The following BANF2 variants were observed in gnomAD, a reference collection of about 807,000 sequenced individuals.
The protein encoded by BANF2 is barrier-to-autointegration factor-like protein.
A neutral mutation model predicts 8.0 loss-of-function variants in BANF2; 4 were observed. The observed-to-expected ratio is 0.50, with a 90% CI of 0.25 to 1.14. The LOEUF (loss-of-function observed/expected upper bound fraction) is 1.14, where lower values mean the gene tolerates loss of function less well. BANF2 is among the 50% of genes most tolerant of loss of function. The pLI, the probability that BANF2 is intolerant of heterozygous loss-of-function variation, is 0.16. For synonymous variants in BANF2, 50 were observed against 40.6 expected (o/e 1.23, Z -0.88); for missense variants, 96 against 107.5 (o/e 0.89, Z 0.47).
At chr20:17,704,918 A>G (rs1303858764) in intron 1 of BANF2, among the ~76,000 whole-genome samples, 3 of 152,162 alleles carry the variant, frequency 2.0e-5, no homozygotes, top group Non-Finnish European at 4.4e-5. Context: ...TAGCAACCCC[A>G]GCAAGAAGGG....
chr20:17,708,604 A>G (rs1033126170), intron 1 of BANF2, among the ~76,000 whole-genome samples: 1 of 152,144 alleles, frequency 6.6e-6, no homozygotes, highest in Non-Finnish European at 1.5e-5. Flanking sequence ...TGGATGTCCA[A>G]TGTTGGTCCT....
upstream of BANF2, among the ~76,000 whole-genome samples, chr20:17,695,875 G>A (rs765493701): frequency 6.6e-5 from 10 of 152,114 alleles, no homozygotes; most frequent in Non-Finnish European, 1.3e-4. Flanking sequence ...TATCTCTGTA[G>A]CCTCAGATCA....
intron 1 of BANF2, among the ~76,000 whole-genome samples, chr20:17,704,810 T>A (rs1005318994): frequency 1.3e-5 from 2 of 152,332 alleles, no homozygotes; most frequent in East Asian, 1.9e-4. Context: ...CCTCAAATGA[T>A]GTTGTCAAGA....
At chr20:17,725,941 G>A (rs1270532538) in intron 3 of BANF2, among the ~76,000 whole-genome samples, 1 of 152,124 alleles carries the variant, frequency 6.6e-6, no homozygotes, top group African/African-American at 2.4e-5. Flanking sequence ...CGACTAGTTT[G>A]GTTTGCATCT....
chr20:17,703,970 A>G (rs1452966845), intron 1 of BANF2, among the ~76,000 whole-genome samples: 3 of 151,954 alleles, frequency 2.0e-5, no homozygotes, highest in Admixed American at 6.6e-5. Flanking sequence ...CTGATCTCAA[A>G]CTCCTGACCT....
At chr20:17,720,909 T>G (rs1194719801) in intron 1 of BANF2, among the ~76,000 whole-genome samples, 1 of 152,220 alleles carries the variant, frequency 6.6e-6, no homozygotes, top group Admixed American at 6.5e-5. Flanking sequence ...CACATCTGCT[T>G]GGAGCTGGTC....
chr20:17,734,073 C>G lies in BANF2; in HGVS notation c.127-1592C>G, dbSNP rs191944090. Among the ~76,000 whole-genome samples the G allele has an allele frequency of 2.4e-4, 36 of 152,306 alleles. No individual in the cohort carries two copies. The East Asian group carries it at 3.3e-3, about 14-fold the overall frequency. ...TAATGTGACCTGAGCTCTCCAGCCT[C>G]CACCATTTAGTGGCTTGGCTAGTTT... On this transcript the variant is annotated intron_variant, in intron 3 of 3. Transcript: ENST00000246090.
At chr20:17,717,234 G>C (rs1288530242) in intron 1 of BANF2, among the ~76,000 whole-genome samples, 1 of 152,016 alleles carries the variant, frequency 6.6e-6, no homozygotes, top group East Asian at 1.9e-4. Flanking sequence ...GGCACAGCAG[G>C]CATCCAAGGA....
At chr20:17,705,714 A>G (rs192588770) in intron 1 of BANF2, among the ~76,000 whole-genome samples, 5 of 152,330 alleles carry the variant, frequency 3.3e-5, no homozygotes, top group African/African-American at 9.6e-5. Flanking sequence ...TTTATAGATG[A>G]AGCAACTAAG....
At chr20:17,717,667 A>T (rs1039845740) in intron 1 of BANF2, among the ~76,000 whole-genome samples, 1 of 152,218 alleles carries the variant, frequency 6.6e-6, no homozygotes, top group Non-Finnish European at 1.5e-5. Context: ...TTTGAAAGGC[A>T]TACTTTTTTC....
chr20:17,728,422 C>T (rs1053911489), intron 3 of BANF2, among the ~76,000 whole-genome samples: 27 of 152,172 alleles, frequency 1.8e-4, no homozygotes, highest in Admixed American at 1.3e-3. Flanking sequence ...GAGACACCAG[C>T]GCCCCCGCTC....
intron 3 of BANF2, among the ~76,000 whole-genome samples, chr20:17,730,423 G>A (rs1326049616): frequency 2.0e-5 from 3 of 152,030 alleles, no homozygotes; most frequent in African/African-American, 2.4e-5. Context: ...CCTCCTTACC[G>A]GCGAGGCTCT....
At chr20:17,711,267 C>T (rs528738813) in intron 1 of BANF2, among the ~76,000 whole-genome samples, 162 of 152,336 alleles carry the variant, frequency 1.1e-3, no homozygotes, top group African/African-American at 3.8e-3. Context: ...CCCGGGGCCC[C>T]CCTCCAGGGC....
At chr20:17,698,424 CCAGCCT>C (rs1397810526), upstream of BANF2, among the ~76,000 whole-genome samples, 1 of 152,154 alleles carries the variant, frequency 6.6e-6, no homozygotes, top group Middle Eastern at 3.2e-3. Context: ...TGGAAATTAC[CCAGCCT>C]CAGATATTTC....
At chr20:17,702,740 C>G (rs1349641240) in intron 1 of BANF2, among the ~76,000 whole-genome samples, 1 of 152,192 alleles carries the variant, frequency 6.6e-6, no homozygotes, top group Non-Finnish European at 1.5e-5. Context: ...AACACATGGT[C>G]TGACCTTGAA....
intron 1 of BANF2, among the ~76,000 whole-genome samples, chr20:17,702,951 C>T (rs912787246): frequency 1.3e-4 from 20 of 152,178 alleles, no homozygotes; most frequent in Non-Finnish European, 4.4e-5. Context: ...CCATCGGTGG[C>T]TGGTGGCGGT....
At chr20:17,728,638 T>C (rs1472944245) in intron 3 of BANF2, among the ~76,000 whole-genome samples, 1 of 152,320 alleles carries the variant, frequency 6.6e-6, no homozygotes, top group Non-Finnish European at 1.5e-5. Flanking sequence ...GCTTTTGGCA[T>C]GCACTGGTCT....
At chr20:17,708,092 C>A (rs916148777) in intron 1 of BANF2, among the ~76,000 whole-genome samples, 7 of 148,266 alleles carry the variant, frequency 4.7e-5, no homozygotes, top group Non-Finnish European at 1.0e-4. Context: ...CCAGGTGTTG[C>A]GGTGCATGCC....
At chr20:17,693,727 T>G in intron 1 of BANF2, 1 of 1,551,388 alleles carries the variant, frequency 6.4e-7, no homozygotes, top group Non-Finnish European at 8.7e-7. Flanking sequence ...TTGGTCTGAC[T>G]TCCTTGCTCA....
Sources: gnomAD v4.1 joint callset for allele counts (sites outside exome capture counted in the v4.1 genomes callset) on GRCh38, gnomAD v4.1.1 for gene constraint, MANE v1.5 for transcripts, NCBI Gene and HGNC (gene_info 2026-07-23, HGNC 2026-07-21) for gene names.